PI15: variants seen among roughly 807,000 people sequenced by gnomAD.
PI15 encodes the protein 25 kDa trypsin inhibitor.
Under a neutral mutation model 31.0 loss-of-function variants are expected in PI15, and 18 were observed. That is an observed-to-expected ratio of 0.58 (90% CI 0.40 to 0.86). PI15 has a LOEUF of 0.86. PI15 is among the 40% of genes least tolerant of loss of function. The probability of loss-of-function intolerance (pLI) is 0.00; values close to 1 mark genes in which losing one functional copy is unlikely to be tolerated. For missense variants in PI15, 282 were observed against 328.1 expected (o/e 0.86, Z 1.09); for synonymous variants, 118 against 119.1 (o/e 0.99, Z 0.06).
chr8:74,829,637 G>C (rs1354657557), intron 2 of PI15, among the ~76,000 whole-genome samples: 1 of 152,060 alleles, frequency 6.6e-6, no homozygotes. Flanking sequence ...TGTCTTTAAA[G>C]TCTAAACAAT....
At chr8:74,845,586 T>A in intron 5 of PI15, 89 bp downstream of exon 5, 1 of 804,498 alleles carries the variant, frequency 1.2e-6, no homozygotes, top group East Asian at 2.5e-5. Flanking sequence ...GGTAAGTGAG[T>A]AAGGCTTAGC....
intron 2 of PI15, among the ~76,000 whole-genome samples, chr8:74,842,921 T>G (rs1810964960): frequency 6.6e-6 from 1 of 152,156 alleles, no homozygotes; most frequent in African/African-American, 2.4e-5. Context: ...GCAGTGTTAC[T>G]TTTATTAGTT....
chr8:74,849,515 A>C lies in PI15; in HGVS notation c.*262A>C. On this transcript the variant is annotated 3_prime_UTR_variant, in exon 6 of 6. Transcript: ENST00000260113. Reference sequence around the variant, plus strand: ...AATGATGACATAGTTGATGCATCCAATCCTAAAACTTACATTCCAAAGGAA... The same window carrying C: ...AATGATGACATAGTTGATGCATCCACTCCTAAAACTTACATTCCAAAGGAA... The C allele has an allele frequency of 3.2e-6, 1 of 317,048 alleles. No individual in the cohort carries two copies. The highest frequency in any genetic ancestry group is 5.8e-6 in the Non-Finnish European group (1 of 173,756). The allele number at this position is 317,048 out of a possible 1,614,324, so 19.6% of individuals were successfully genotyped here.
chr8:74,853,671 T>C lies in PI15; in HGVS notation c.*4418T>C, dbSNP rs1180905310. ...CCATTTCTGTACCATAAAAATTTGT[T>C]GTGCAATATTAGAATTATCATATGT... On this transcript the variant is annotated 3_prime_UTR_variant, in exon 6 of 6. Transcript: ENST00000260113. 6.6e-6 allele frequency: 1 copy of C among 152,524 alleles called. No homozygotes were observed. The highest frequency in any genetic ancestry group is 1.9e-4 in the East Asian group (1 of 5,192). The allele number at this position is 152,524 out of a possible 1,614,324, so 9.4% of individuals were successfully genotyped here.
chr8:74,830,281 T>G (rs777232103), intron 2 of PI15, among the ~76,000 whole-genome samples: 2 of 151,746 alleles, frequency 1.3e-5, no homozygotes, highest in East Asian at 3.9e-4. Flanking sequence ...ACTGATCACC[T>G]TAAAACTGAA....
intron 2 of PI15, among the ~76,000 whole-genome samples, chr8:74,837,723 A>G (rs1810890839): frequency 6.6e-6 from 1 of 152,162 alleles, no homozygotes; most frequent in South Asian, 2.1e-4. Context: ...TTTTTATATT[A>G]TGTATGTGAA....
chr8:74,830,351 T>A (rs1282843297), intron 2 of PI15, among the ~76,000 whole-genome samples: 1 of 152,124 alleles, frequency 6.6e-6, no homozygotes, highest in Admixed American at 6.6e-5. Context: ...ATACAGTATC[T>A]CTTTTATTTG....
chr8:74,827,336 T>C (rs985477884), intron 2 of PI15, among the ~76,000 whole-genome samples: 1 of 152,152 alleles, frequency 6.6e-6, no homozygotes, highest in Non-Finnish European at 1.5e-5. Flanking sequence ...AGGAAAGGCA[T>C]AGTTAGGTAA....
At chr8:74,843,386 T>A (rs115435597) in intron 2 of PI15, among the ~76,000 whole-genome samples, 3 of 152,222 alleles carry the variant, frequency 2.0e-5, no homozygotes, top group Non-Finnish European at 4.4e-5. Context: ...AACAGTGGCC[T>A]GAATTTGCTT....
intron 2 of PI15, among the ~76,000 whole-genome samples, chr8:74,827,463 C>T (rs1041933179): frequency 6.6e-6 from 1 of 152,126 alleles, no homozygotes; most frequent in Non-Finnish European, 1.5e-5. Context: ...AAGGACTTGA[C>T]TAATTGTTTC....
intron 2 of PI15, among the ~76,000 whole-genome samples, chr8:74,841,052 T>C (rs1293856508): frequency 6.6e-6 from 1 of 152,148 alleles, no homozygotes; most frequent in African/African-American, 2.4e-5. Flanking sequence ...TATGAATGAG[T>C]ATAAAGGTAG....
chr8:74,845,150 G>A lies in PI15; in HGVS notation c.415G>A (p.Val139Ile), dbSNP rs1659397889. 4 of 1,612,894 alleles carry A rather than the reference G, an allele frequency of 2.5e-6. No homozygotes were observed. Among genetic ancestry groups the A allele is most frequent in the Admixed American group, 3.3e-5 (2 of 59,990 alleles). The change falls in exon 4 of 6, where the codon GTC becomes ATC. Residue 139 changes from valine (V) to isoleucine (I), a missense_variant. Val to Ile is a conservative substitution (Grantham distance 29, BLOSUM62 3). Transcript: ENST00000260113. Reference protein sequence around the residue: ...TGRYRSILQLVKPWYDEVKDY... With the variant: ...TGRYRSILQLIKPWYDEVKDY... ...CAGATATCGCTCTATTCTCCAGTTG[G>A]TCAAGCCATGGTATGATGAAGTGAA...
chr8:74,835,937 TTCA>T (rs1810866759), intron 2 of PI15, among the ~76,000 whole-genome samples: 1 of 152,206 alleles, frequency 6.6e-6, no homozygotes, highest in East Asian at 1.9e-4. Flanking sequence ...TAGTGTCTCT[TTCA>T]ATAATCCAGA....
chr8:74,830,221 AGT>A (rs1810761964), intron 2 of PI15, among the ~76,000 whole-genome samples: 1 of 151,936 alleles, frequency 6.6e-6, no homozygotes, highest in Admixed American at 6.6e-5. Flanking sequence ...GATGGTATGG[AGT>A]GGTGGAAAGG....
Position 74,845,168 on chromosome 8 carries a change from G to A in PI15, c.433G>A (p.Glu145Lys). ...ILQLVKPWYDEVKDYAFPYPQ... is the reference protein window; with the variant it reads ...ILQLVKPWYDKVKDYAFPYPQ... ...CCAGTTGGTCAAGCCATGGTATGAT[G>A]AAGTGAAAGATTATGCTTTTCCATA... Residue 145 changes from glutamate (E) to lysine (K), a missense_variant, in exon 4 of 6, where the codon GAA (glutamate) becomes AAA (lysine). Glu to Lys is a moderately conservative substitution (Grantham distance 56). Transcript: ENST00000260113. 2 of 1,612,494 alleles carry A rather than the reference G, an allele frequency of 1.2e-6. No individual in the cohort carries two copies. The highest frequency in any genetic ancestry group is 2.2e-5 in the South Asian group (2 of 91,044).
intron 2 of PI15, among the ~76,000 whole-genome samples, chr8:74,841,423 C>T (rs187599077): frequency 6.6e-6 from 1 of 152,138 alleles, no homozygotes; most frequent in Non-Finnish European, 1.5e-5. Flanking sequence ...TGGGAGATCA[C>T]AATTGACATG....
intron 2 of PI15, among the ~76,000 whole-genome samples, chr8:74,833,383 C>G (rs1481398896): frequency 6.6e-6 from 1 of 151,800 alleles, no homozygotes; most frequent in Non-Finnish European, 1.5e-5. Context: ...TTTTCAGCTT[C>G]TTTTGCCTGT....
chr8:74,844,124 G>A (rs762682635), intron 3 of PI15, 25 bp downstream of exon 3: 70 of 970,310 alleles, frequency 7.2e-5, no homozygotes, highest in Non-Finnish European at 1.1e-4. Flanking sequence ...CACTGATGCA[G>A]TTCATCCACA....
chr8:74,829,981 G>A (rs1270920437), intron 2 of PI15, among the ~76,000 whole-genome samples: 2 of 152,104 alleles, frequency 1.3e-5, no homozygotes, highest in East Asian at 1.9e-4. Context: ...AGGCAATTAG[G>A]AAGACTGTGA....
Sources: gnomAD v4.1 joint callset for allele counts (sites outside exome capture counted in the v4.1 genomes callset) on GRCh38, gnomAD v4.1.1 for gene constraint, MANE v1.5 for transcripts, NCBI Gene and HGNC (gene_info 2026-07-23, HGNC 2026-07-21) for gene names.